GRM5: variants seen among roughly 807,000 people sequenced by gnomAD.
GRM5 encodes metabotropic glutamate receptor 5.
In GRM5, 19 loss-of-function variants were observed where a neutral mutation model predicts 83.1. That is an observed-to-expected ratio of 0.23 (90% CI 0.16 to 0.34). GRM5 has a LOEUF of 0.34. Among genes scored for constraint, GRM5 ranks in the 10% least tolerant of loss-of-function variants. The pLI is 1.00. For synonymous variants in GRM5, 675 were observed against 633.6 expected (o/e 1.07, Z -0.98); for missense variants, 1,160 against 1,588.3 (o/e 0.73, Z 4.58).
intron 7 of GRM5, among the ~76,000 whole-genome samples, chr11:88,574,387 C>G (rs767573259): frequency 6.6e-6 from 1 of 152,054 alleles, no homozygotes; most frequent in African/African-American, 2.4e-5. Context: ...GAATTTGAGT[C>G]TAGTTTCTGG....
At chr11:88,776,140 T>A (rs537375476) in intron 3 of GRM5, among the ~76,000 whole-genome samples, 1 of 152,314 alleles carries the variant, frequency 6.6e-6, no homozygotes, top group African/African-American at 2.4e-5. Flanking sequence ...TGGGTGCATA[T>A]ATATTTAGGA....
At chr11:88,848,784 G>A (rs866771315) in intron 3 of GRM5, among the ~76,000 whole-genome samples, 22 of 152,176 alleles carry the variant, frequency 1.4e-4, no homozygotes, top group African/African-American at 4.1e-4. Flanking sequence ...ATCTGCCTGT[G>A]TCTGTGAGAG....
At chr11:88,576,345 G>A (rs1004232820) in intron 7 of GRM5, among the ~76,000 whole-genome samples, 1 of 152,138 alleles carries the variant, frequency 6.6e-6, no homozygotes, top group African/African-American at 2.4e-5. Context: ...TACTAATTGT[G>A]TATTAGTATT....
At chr11:88,879,246 T>C (rs1944910172) in intron 2 of GRM5, among the ~76,000 whole-genome samples, 1 of 152,062 alleles carries the variant, frequency 6.6e-6, no homozygotes, top group Non-Finnish European at 1.5e-5. Context: ...ATGTAACATT[T>C]TCCTCTCTTA....
chr11:88,823,940 T>C lies in GRM5; in HGVS notation c.911+25966A>G, dbSNP rs144187349. ...AAACAAACTTTTTATTATTCTTGCT[T>C]CTTTTGGTCCTACGATCATTCCATC... On this transcript the variant is annotated intron_variant, in intron 3 of 9. Coordinates refer to ENST00000305447, the MANE Select transcript of GRM5 (RefSeq NM_001143831.3). Among the ~76,000 whole-genome samples the C allele has an allele frequency of 4.3e-3, 649 of 152,250 alleles. 17 individuals are homozygous for C. In the East Asian group the frequency reaches 0.072, roughly 17 times the overall value.
At chr11:88,751,453 G>A (rs563851610) in intron 3 of GRM5, among the ~76,000 whole-genome samples, 1 of 152,194 alleles carries the variant, frequency 6.6e-6, no homozygotes, top group Admixed American at 6.5e-5. Flanking sequence ...TGAAATTGAG[G>A]GAGTAATAAA....
intron 3 of GRM5, among the ~76,000 whole-genome samples, chr11:88,686,095 G>T (rs780217243): frequency 6.6e-6 from 1 of 152,206 alleles, no homozygotes; most frequent in East Asian, 1.9e-4. Context: ...AACACTACCC[G>T]CTGAAAGCAG....
intron 8 of GRM5, among the ~76,000 whole-genome samples, chr11:88,536,878 A>G (rs1942147227): frequency 6.6e-6 from 1 of 152,162 alleles, no homozygotes; most frequent in Non-Finnish European, 1.5e-5. Flanking sequence ...ATACTTTTGA[A>G]TAGCATTCAC....
At chr11:88,636,288 G>T (rs1357834106) in intron 4 of GRM5, among the ~76,000 whole-genome samples, 4 of 152,192 alleles carry the variant, frequency 2.6e-5, no homozygotes, top group Non-Finnish European at 5.9e-5. Context: ...AAGGTGGGTG[G>T]ATCACTTGAG....
chr11:88,804,450 A>T (rs1452409798), intron 3 of GRM5, among the ~76,000 whole-genome samples: 7 of 150,518 alleles, frequency 4.7e-5, no homozygotes, highest in Non-Finnish European at 1.0e-4. Flanking sequence ...AAAACCAAAC[A>T]CCGCATATTC....
rs1017557991 is a variant in GRM5 at position 88,591,768 on chromosome 11, T to C, written c.1564-1041A>G. On this transcript the variant is annotated intron_variant, in intron 6 of 9. Coordinates refer to ENST00000305447, the MANE Select transcript of GRM5 (RefSeq NM_001143831.3). ...CTACAAAAATACAAGCAGGGAATAA[T>C]GGCAAAAGGGCCTGAAATAGCTTTT... Among the ~76,000 whole-genome samples, 11 of 152,306 alleles carry C rather than the reference T, an allele frequency of 7.2e-5. No individual in the cohort carries two copies. The South Asian group carries it at 1.9e-3, about 26-fold the overall frequency.
chr11:88,618,040 A>G (rs913215719), intron 4 of GRM5, among the ~76,000 whole-genome samples: 2 of 152,192 alleles, frequency 1.3e-5, no homozygotes, highest in African/African-American at 4.8e-5. Context: ...GAACTCAACT[A>G]TGGGATGGAA....
intron 2 of GRM5, among the ~76,000 whole-genome samples, chr11:89,013,342 A>T (rs1468846234): frequency 6.6e-6 from 1 of 152,216 alleles, no homozygotes; most frequent in African/African-American, 2.4e-5. Flanking sequence ...TTATGAGAAT[A>T]TTAGAAAGAA....
intron 3 of GRM5, among the ~76,000 whole-genome samples, chr11:88,737,788 C>T (rs929489138): frequency 6.6e-6 from 1 of 152,034 alleles, no homozygotes; most frequent in Non-Finnish European, 1.5e-5. Flanking sequence ...ATCTATACTA[C>T]AATATGCATG....
intron 3 of GRM5, among the ~76,000 whole-genome samples, chr11:88,758,628 G>A (rs1418923361): frequency 6.6e-6 from 1 of 152,136 alleles, no homozygotes; most frequent in Non-Finnish European, 1.5e-5. Flanking sequence ...TGGTGTTCTC[G>A]AAAGCGTTGG....
At chr11:88,610,355 G>C (rs1938279182) in intron 4 of GRM5, among the ~76,000 whole-genome samples, 1 of 152,140 alleles carries the variant, frequency 6.6e-6, no homozygotes, top group Non-Finnish European at 1.5e-5. Context: ...CATGGGCATA[G>C]AATGTTCTTC....
At chr11:88,798,144 T>G (rs181132624) in intron 3 of GRM5, among the ~76,000 whole-genome samples, 108 of 152,328 alleles carry the variant, frequency 7.1e-4, no homozygotes, top group Middle Eastern at 3.4e-3. Context: ...CTAATGGAAA[T>G]TATCTTTCTG....
At chr11:88,587,872 A>G (rs1487205562) in intron 7 of GRM5, among the ~76,000 whole-genome samples, 3 of 152,084 alleles carry the variant, frequency 2.0e-5, no homozygotes, top group Admixed American at 6.6e-5. Flanking sequence ...ATAAAAATAC[A>G]CAAGTTTTCC....
intron 4 of GRM5, among the ~76,000 whole-genome samples, chr11:88,629,959 C>T (rs925557079): frequency 2.0e-5 from 3 of 152,126 alleles, no homozygotes; most frequent in African/African-American, 7.2e-5. Context: ...CTACTTGTTT[C>T]CCCAACTTAC....
Sources: gnomAD v4.1 joint callset for allele counts (sites outside exome capture counted in the v4.1 genomes callset) on GRCh38, gnomAD v4.1.1 for gene constraint, MANE v1.5 for transcripts, NCBI Gene and HGNC (gene_info 2026-07-23, HGNC 2026-07-21) for gene names.